Variants in SNTG1 observed in about 807,000 individuals in gnomAD.
SNTG1 encodes the protein syntrophin gamma 1, also known as gamma-1-syntrophin.
In SNTG1, 39 loss-of-function variants were observed where a neutral mutation model predicts 74.7. The observed-to-expected ratio is 0.52, with a 90% CI of 0.40 to 0.68. SNTG1 has a LOEUF of 0.68. SNTG1 is among the 30% of genes least tolerant of loss of function. The pLI is 0.00. For synonymous variants in SNTG1, 254 were observed against 217.1 expected (o/e 1.17, Z -1.49); for missense variants, 685 against 609.5 (o/e 1.12, Z -1.30).
At chr8:50,287,211 C>T (rs555738425) in intron 2 of SNTG1, among the ~76,000 whole-genome samples, 2 of 152,246 alleles carry the variant, frequency 1.3e-5, no homozygotes, top group African/African-American at 4.8e-5. Context: ...TTTTTACTTA[C>T]TGCCCCAACC....
At chr8:50,018,542 G>C (rs1053734246) in intron 1 of SNTG1, among the ~76,000 whole-genome samples, 2 of 151,890 alleles carry the variant, frequency 1.3e-5, no homozygotes, top group Admixed American at 6.6e-5. Context: ...ACTAGAAAAA[G>C]ACATAAGAGT....
intron 1 of SNTG1, among the ~76,000 whole-genome samples, chr8:50,047,238 C>T (rs1819168895): frequency 1.3e-5 from 2 of 151,768 alleles, no homozygotes; most frequent in South Asian, 4.2e-4. Flanking sequence ...GCTTGGGAGG[C>T]TGAGGTGAAA....
intron 17 of SNTG1, among the ~76,000 whole-genome samples, chr8:50,712,437 CA>C (rs1214463844): frequency 6.6e-6 from 1 of 152,168 alleles, no homozygotes; most frequent in Non-Finnish European, 1.5e-5. Context: ...GAAATTAAGA[CA>C]ATCTGGGCAA....
intron 18 of SNTG1, among the ~76,000 whole-genome samples, chr8:50,769,256 G>A (rs938186721): frequency 6.6e-6 from 1 of 151,638 alleles, no homozygotes; most frequent in Admixed American, 6.6e-5. Context: ...CAAAATAGTA[G>A]CTGTCAAAGG....
chr8:50,500,532 T>C (rs901430053), intron 8 of SNTG1, among the ~76,000 whole-genome samples: 7 of 152,204 alleles, frequency 4.6e-5, no homozygotes, highest in African/African-American at 1.7e-4. Context: ...ATTTATCTCA[T>C]TGGCATTAGT....
intron 1 of SNTG1, among the ~76,000 whole-genome samples, chr8:50,077,000 A>G (rs1236409885): frequency 6.6e-6 from 1 of 152,190 alleles, no homozygotes; most frequent in Non-Finnish European, 1.5e-5. Context: ...AATGGATACT[A>G]TTTTTCAAAG....
chr8:50,531,926 T>C (rs1358103418), intron 10 of SNTG1, among the ~76,000 whole-genome samples: 2 of 152,162 alleles, frequency 1.3e-5, no homozygotes, highest in Non-Finnish European at 2.9e-5. Context: ...ATCATTCTGG[T>C]TTGTTTTTAA....
chr8:50,705,108 T>C (rs1211193434), intron 16 of SNTG1, among the ~76,000 whole-genome samples: 1 of 152,134 alleles, frequency 6.6e-6, no homozygotes, highest in Non-Finnish European at 1.5e-5. Context: ...ATTTCCAGCC[T>C]GTTGGCGTCA....
chr8:50,265,434 G>T (rs2087414805), intron 2 of SNTG1, among the ~76,000 whole-genome samples: 1 of 152,034 alleles, frequency 6.6e-6, no homozygotes, highest in African/African-American at 2.4e-5. Context: ...ATTTTATAGT[G>T]CATACACTCA....
chr8:50,095,995 T>G (rs2079912161), intron 1 of SNTG1, among the ~76,000 whole-genome samples: 1 of 152,090 alleles, frequency 6.6e-6, no homozygotes, highest in Non-Finnish European at 1.5e-5. Context: ...AAAAAAAAAT[T>G]CCATGAATGA....
At chr8:50,302,755 G>T (rs1392258969) in intron 2 of SNTG1, among the ~76,000 whole-genome samples, 4 of 151,956 alleles carry the variant, frequency 2.6e-5, no homozygotes, top group African/African-American at 4.8e-5. Flanking sequence ...TAACACGGGG[G>T]CCCTCACCAA....
At chr8:50,021,036 T>A (rs1816769565) in intron 1 of SNTG1, among the ~76,000 whole-genome samples, 1 of 152,164 alleles carries the variant, frequency 6.6e-6, no homozygotes. Flanking sequence ...TCTACTGTGA[T>A]GAATATCTTT....
chr8:50,670,096 GC>G lies in SNTG1; in HGVS notation c.1038+11434del, dbSNP rs1300323185. 1.3e-5 allele frequency among the ~76,000 whole-genome samples: 2 copies of G among 152,092 alleles called. 1 individual carries two copies. Among genetic ancestry groups the G allele is most frequent in the Non-Finnish European group, 2.9e-5 (2 of 68,014 alleles). The stretch of plus-strand genomic sequence containing the variant: ...CCACAGCCAATATCATACTGAATGG[GC>G]AAAAACTGGAAGCATTCCCTTTGAA... On this transcript the variant is annotated intron_variant, in intron 15 of 18. Transcript: ENST00000642720.
chr8:50,312,010 G>A (rs1255530110), intron 2 of SNTG1, among the ~76,000 whole-genome samples: 1 of 152,104 alleles, frequency 6.6e-6, no homozygotes, highest in East Asian at 1.9e-4. Flanking sequence ...TAACAGTAAA[G>A]AAAGGTAGTA....
intron 1 of SNTG1, among the ~76,000 whole-genome samples, chr8:50,040,211 T>G: frequency 6.6e-6 from 1 of 152,134 alleles, no homozygotes; most frequent in East Asian, 1.9e-4. Context: ...TGCCTGATGA[T>G]TAAGAAAACA....
chr8:50,669,086 G>A (rs961912288), intron 15 of SNTG1, among the ~76,000 whole-genome samples: 4 of 151,950 alleles, frequency 2.6e-5, no homozygotes, highest in African/African-American at 7.2e-5. Flanking sequence ...GAGAAAGCAG[G>A]AAAGATCCAA....
At chr8:50,530,461 G>C (rs552189225) in intron 10 of SNTG1, among the ~76,000 whole-genome samples, 1 of 152,232 alleles carries the variant, frequency 6.6e-6, no homozygotes, top group South Asian at 2.1e-4. Flanking sequence ...TATGGATTAA[G>C]TTCTTTTGAA....
intron 8 of SNTG1, among the ~76,000 whole-genome samples, chr8:50,451,660 C>T (rs1027790492): frequency 6.6e-6 from 1 of 152,058 alleles, no homozygotes; most frequent in Admixed American, 6.6e-5. Flanking sequence ...TTTGGGAGGG[C>T]CCAGGGATGT....
chr8:50,727,096 G>C (rs1295557868), intron 17 of SNTG1, among the ~76,000 whole-genome samples: 1 of 152,134 alleles, frequency 6.6e-6, no homozygotes, highest in Non-Finnish European at 1.5e-5. Flanking sequence ...GAATACGCAA[G>C]AGAGAAAAGG....
Sources: gnomAD v4.1 joint callset for allele counts (sites outside exome capture counted in the v4.1 genomes callset) on GRCh38, gnomAD v4.1.1 for gene constraint, MANE v1.5 for transcripts, NCBI Gene and HGNC (gene_info 2026-07-23, HGNC 2026-07-21) for gene names.